The following SSU72 variants were observed in gnomAD, a reference collection of about 807,000 sequenced individuals.
SSU72 encodes RNA polymerase II subunit A C-terminal domain phosphatase SSU72.
A neutral mutation model predicts 22.7 loss-of-function variants in SSU72; 12 were observed. The observed-to-expected ratio is 0.53, with a 90% CI of 0.34 to 0.86. The LOEUF (loss-of-function observed/expected upper bound fraction) is 0.86, where lower values mean the gene tolerates loss of function less well. Among genes scored for constraint, SSU72 ranks in the 40% least tolerant of loss-of-function variants. SSU72 has a pLI of 0.02. For synonymous variants in SSU72, 116 were observed against 98.3 expected (o/e 1.18, Z -1.06); for missense variants, 151 against 249.8 (o/e 0.60, Z 2.67).
chr1:1,565,096 T>A (rs1166201498), intron 1 of SSU72, among the ~76,000 whole-genome samples, 180 bp from the exon 2 acceptor site: 2 of 151,964 alleles, frequency 1.3e-5, no homozygotes, highest in African/African-American at 4.8e-5. Flanking sequence ...TCCCAGCACT[T>A]TGGGAGGCCA....
In SSU72 at chr1:1,574,076, A is replaced by C. The variant is rs186792539; in HGVS notation, c.80+402T>G. Among the ~76,000 whole-genome samples the C allele has an allele frequency of 9.8e-3, 1,494 of 152,200 alleles. 11 individuals are homozygous for C. Among genetic ancestry groups the C allele is most frequent in the Admixed American group, 0.014 (209 of 15,276 alleles). ...ACACACAAATCCATGGCATTAAAAA[A>C]AGAGACCGCTTTGTTATTTACAACA... On this transcript the variant is annotated intron_variant, in intron 1 of 4. Coordinates refer to ENST00000291386, the MANE Select transcript of SSU72 (RefSeq NM_014188.3).
At chr1:1,549,775 C>T (rs1001309162) in intron 2 of SSU72, among the ~76,000 whole-genome samples, 1 of 152,016 alleles carries the variant, frequency 6.6e-6, no homozygotes, top group African/African-American at 2.4e-5. Flanking sequence ...GAGATCGAGA[C>T]CATCCTGGCT....
intron 2 of SSU72, among the ~76,000 whole-genome samples, chr1:1,550,141 A>G (rs1376897686): frequency 2.0e-5 from 3 of 149,330 alleles, no homozygotes; most frequent in Non-Finnish European, 4.4e-5. Context: ...TCACATCACT[A>G]CACTCCAGCC....
chr1:1,572,886 G>C (rs949536834), intron 1 of SSU72, among the ~76,000 whole-genome samples: 2 of 146,300 alleles, frequency 1.4e-5, no homozygotes, highest in African/African-American at 5.0e-5. Flanking sequence ...TTGGGGGGGG[G>C]GGGGTGAGCC....
intron 2 of SSU72, among the ~76,000 whole-genome samples, chr1:1,558,731 G>A (rs1269572214): frequency 6.6e-6 from 1 of 152,146 alleles, no homozygotes; most frequent in Non-Finnish European, 1.5e-5. Context: ...TGGAGCGGGG[G>A]AACTGTCCAG....
intron 1 of SSU72, among the ~76,000 whole-genome samples, chr1:1,573,446 A>AG (rs1642764356): frequency 2.2e-5 from 1 of 46,254 alleles, no homozygotes; most frequent in Non-Finnish European, 3.0e-5. Flanking sequence ...AAAAAAAAAA[A>AG]AAAAAAAAAA....
In SSU72 at chr1:1,544,917, G is replaced by C. The variant is rs775478082; in HGVS notation, c.310C>G (p.Leu104Val). The C allele has an allele frequency of 1.5e-5, 25 of 1,614,088 alleles. No homozygotes were observed. The South Asian group carries it at 2.4e-4, about 16-fold the overall frequency. The change falls in exon 3 of 5, where the codon CTG becomes GTG. Residue 104 changes from leucine (L) to valine (V), a missense_variant. Transcript: ENST00000291386. ...TCGCAAGTGAGGATCAGATCAAACA[G>C]GTCTTTGCAGTTCTGGAATCTTTCT... is the stretch of plus-strand genomic sequence containing the variant. ...RPERFQNCKD[L>V]FDLILTCEER...
chr1:1,570,548 G>C (rs1642715599), intron 1 of SSU72, among the ~76,000 whole-genome samples: 1 of 150,680 alleles, frequency 6.6e-6, no homozygotes, highest in South Asian at 2.2e-4. Context: ...AATGCCACCA[G>C]TCTGTGAGTC....
intron 2 of SSU72, among the ~76,000 whole-genome samples, chr1:1,557,094 A>G (rs529504207): frequency 6.6e-6 from 1 of 152,182 alleles, no homozygotes; most frequent in Non-Finnish European, 1.5e-5. Context: ...TTGTTTGACA[A>G]ATACCTTCCC....
chr1:1,569,549 G>T (rs1006299380), intron 1 of SSU72, among the ~76,000 whole-genome samples: 1 of 152,194 alleles, frequency 6.6e-6, no homozygotes, highest in Admixed American at 6.6e-5. Flanking sequence ...GGAGTTCAGT[G>T]GCGCAGTCAC....
chr1:1,561,904 C>T (rs1642598202), intron 2 of SSU72: 1 of 152,480 alleles, frequency 6.6e-6, no homozygotes, highest in African/African-American at 2.4e-5. Context: ...TGTCCCAGCG[C>T]CACCCCTGCT....
At chr1:1,544,017 G>A (rs1040670373) in intron 3 of SSU72, 30 bp from the exon 4 acceptor site, 1 of 1,569,864 alleles carries the variant, frequency 6.4e-7, no homozygotes, top group Non-Finnish European at 8.7e-7. Flanking sequence ...ACAGACGTCA[G>A]AGGCTCCAAA....
At chr1:1,565,251 T>C (rs1326190079) in intron 1 of SSU72, among the ~76,000 whole-genome samples, 2 of 152,066 alleles carry the variant, frequency 1.3e-5, no homozygotes, top group Non-Finnish European at 2.9e-5. Context: ...CGGGCACCTG[T>C]AGTCCCAGCT....
intron 1 of SSU72, among the ~76,000 whole-genome samples, chr1:1,569,359 T>C (rs1642701742): frequency 6.6e-6 from 1 of 152,166 alleles, no homozygotes; most frequent in Non-Finnish European, 1.5e-5. Context: ...CCCAGGACTC[T>C]GGTATTTGAA....
rs7533 is a variant in SSU72, at chr1:1,543,953, A to C, written c.399T>G (p.Pro133=). The C allele has an allele frequency of 6.2e-7, 1 of 1,613,734 alleles. No homozygotes were observed. The highest frequency in any genetic ancestry group is 1.3e-5 in the African/African-American group (1 of 75,016). The part of the protein sequence containing the change: ...LNSREQETCQ[P]VHVVNVDIQD... ...GGATGTCCACATTGACCACGTGCAC[A>C]GGCTGGCAGGTCTCCTGTTCTCTGG... Residue 133 remains proline, a synonymous_variant, in exon 4 of 5, where the codon CCT becomes CCG. Transcript: ENST00000291386.
Position 1,542,282 on chromosome 1 carries a change from GC to G in SSU72, c.484-116del. On this transcript the variant is annotated intron_variant, in intron 4 of 4. Transcript: ENST00000291386. The surrounding 1 kb of genome is among the most constrained non-coding windows in gnomAD (Gnocchi z 4.4). ...GAGCCAGCAGAAACCAGCGCAGCAG[GC>G]AGGCCCTCACCCCACCGCTGCTGCC... 1.0e-6 allele frequency: 1 copy of G among 991,768 alleles called. No individual in the cohort carries two copies. Among genetic ancestry groups the G allele is most frequent in the South Asian group, 1.5e-5 (1 of 66,774 alleles). The allele number at this position is 991,768 out of a possible 1,614,324, so 61.4% of individuals were successfully genotyped here.
intron 2 of SSU72, among the ~76,000 whole-genome samples, chr1:1,558,219 A>AAAAAAC (rs1642544294): frequency 6.6e-6 from 1 of 151,298 alleles, no homozygotes; most frequent in South Asian, 2.1e-4. Context: ...AAAAAAAAAA[A>AAAAAAC]AGCTGGGCAT....
chr1:1,557,331 T>C (rs1411644405), intron 2 of SSU72, among the ~76,000 whole-genome samples: 1 of 152,002 alleles, frequency 6.6e-6, no homozygotes, highest in Non-Finnish European at 1.5e-5. Flanking sequence ...GAGAATCGTT[T>C]GAACCTGGGA....
chr1:1,563,465 G>A (rs879702140), intron 2 of SSU72: 2 of 149,756 alleles, frequency 1.3e-5, no homozygotes, highest in Non-Finnish European at 3.0e-5. Context: ...TTGGGAGGGG[G>A]AGGTTGCAGT....
Sources: gnomAD v4.1 joint callset for allele counts (sites outside exome capture counted in the v4.1 genomes callset) on GRCh38, gnomAD v4.1.1 for gene constraint, Gnocchi (gnomAD v3.1) non-coding constraint, MANE v1.5 for transcripts, NCBI Gene and HGNC (gene_info 2026-07-23, HGNC 2026-07-21) for gene names.